The following FKBP5 variants were observed in gnomAD, a reference collection of about 807,000 sequenced individuals.
FKBP5 encodes FKBP prolyl isomerase 5.
A neutral mutation model predicts 50.5 loss-of-function variants in FKBP5; 23 were observed. That is an observed-to-expected ratio of 0.46 (90% CI 0.33 to 0.65). The LOEUF (loss-of-function observed/expected upper bound fraction) is 0.65, where lower values mean the gene tolerates loss of function less well. FKBP5 is among the 30% of genes least tolerant of loss of function. The pLI is 0.02. For synonymous variants in FKBP5, 176 were observed against 190.6 expected (o/e 0.92, Z 0.63); for missense variants, 411 against 553.1 (o/e 0.74, Z 2.58).
chr6:35,628,228 G>A (rs1460159462), intron 3 of FKBP5, among the ~76,000 whole-genome samples: 1 of 152,078 alleles, frequency 6.6e-6, no homozygotes, highest in African/African-American at 2.4e-5. Context: ...AACACCATTT[G>A]TTGAAAAGAC....
intron 1 of FKBP5, among the ~76,000 whole-genome samples, chr6:35,685,895 TC>T (rs1219484682): frequency 2.0e-5 from 3 of 146,794 alleles, no homozygotes; most frequent in African/African-American, 7.7e-5. Flanking sequence ...GGCAGGAGAA[TC>T]GCTTGAACCC....
intron 5 of FKBP5, among the ~76,000 whole-genome samples, chr6:35,609,012 G>C (rs1763413901): frequency 6.6e-6 from 1 of 152,144 alleles, no homozygotes; most frequent in African/African-American, 2.4e-5. Flanking sequence ...TGGCCAGGCT[G>C]GTCTTGAACT....
At position 35,594,676 on chromosome 6, in the gene FKBP5, G is replaced by A. The variant is rs79321975; in HGVS notation, c.665+2572C>T. 3.7e-3 allele frequency among the ~76,000 whole-genome samples: 568 copies of A among 151,944 alleles called. 2 individuals are homozygous for A. Among genetic ancestry groups the A allele is most frequent in the African/African-American group, 0.011 (438 of 41,438 alleles). On this transcript the variant is annotated intron_variant, in intron 6 of 10. Transcript: ENST00000357266. ...TTTTCTATACACACAGTATGCATAC[G>A]CACACACATATATAGCATGTAGGGG...
chr6:35,669,561 T>C (rs1246952293), intron 1 of FKBP5, among the ~76,000 whole-genome samples: 4 of 152,166 alleles, frequency 2.6e-5, no homozygotes, highest in Non-Finnish European at 5.9e-5. Context: ...CAGTTTCCTG[T>C]TCGTCAGTGG....
At chr6:35,584,983 T>C in intron 8 of FKBP5, 1 of 985,428 alleles carries the variant, frequency 1.0e-6, no homozygotes, top group Non-Finnish European at 1.2e-6. Flanking sequence ...TCTCTCTGTA[T>C]ATATTCAGAA....
At chr6:35,716,637 A>G (rs1417119125) in intron 2 of FKBP5, among the ~76,000 whole-genome samples, 2 of 151,988 alleles carry the variant, frequency 1.3e-5, no homozygotes, top group African/African-American at 2.4e-5. Context: ...CATGCTCTGT[A>G]CTCAGTGACT....
intron 1 of FKBP5, among the ~76,000 whole-genome samples, chr6:35,645,134 A>T (rs148128369): frequency 0.011 from 1,618 of 152,362 alleles, 19 homozygotes; most frequent in Non-Finnish European, 0.019. Context: ...TGATGTAGTG[A>T]TGTGATTTAG....
intron 1 of FKBP5, among the ~76,000 whole-genome samples, chr6:35,655,047 C>G (rs970825861): frequency 1.2e-4 from 19 of 152,036 alleles, no homozygotes; most frequent in African/African-American, 4.6e-4. Flanking sequence ...GTGGGCCAGG[C>G]TCGGTGGCTC....
intron 2 of FKBP5, among the ~76,000 whole-genome samples, chr6:35,708,083 C>A (rs1766354081): frequency 6.6e-6 from 1 of 152,190 alleles, no homozygotes; most frequent in Non-Finnish European, 1.5e-5. Flanking sequence ...ATAACTAACA[C>A]AGTCTTTGAC....
chr6:35,602,103 G>A (rs1192737738), intron 5 of FKBP5, among the ~76,000 whole-genome samples: 1 of 152,062 alleles, frequency 6.6e-6, no homozygotes, highest in Non-Finnish European at 1.5e-5. Flanking sequence ...TTCTGAATGT[G>A]GCTGGCACAT....
intron 10 of FKBP5, among the ~76,000 whole-genome samples, chr6:35,576,463 G>A (rs924554963): frequency 6.6e-6 from 1 of 152,146 alleles, no homozygotes; most frequent in African/African-American, 2.4e-5. Context: ...CTTGAAGCCA[G>A]GGGTTCGAGA....
chr6:35,702,078 C>A (rs879770916), intron 2 of FKBP5, among the ~76,000 whole-genome samples: 1 of 151,616 alleles, frequency 6.6e-6, no homozygotes, highest in Non-Finnish European at 1.5e-5. Context: ...GAACTCCTGA[C>A]CTCAAGTGAT....
chr6:35,579,621 TA>T (rs1762358477), intron 9 of FKBP5, among the ~76,000 whole-genome samples: 1 of 152,190 alleles, frequency 6.6e-6, no homozygotes, highest in African/African-American at 2.4e-5. Context: ...ATGATTATAA[TA>T]AAAATTGACC....
intron 6 of FKBP5, 56 bp from the exon 7 acceptor site, chr6:35,591,276 T>C: frequency 8.2e-7 from 1 of 1,217,418 alleles, no homozygotes; most frequent in African/African-American, 1.5e-5. Context: ...TTCCAGGCAC[T>C]TCCTTCAGTA....
intron 8 of FKBP5, chr6:35,586,468 C>G (rs548958583): frequency 9.1e-6 from 9 of 986,832 alleles, no homozygotes; most frequent in Non-Finnish European, 1.1e-5. Context: ...TTCATCAAGA[C>G]AGTCTAAAGG....
chr6:35,692,524 C>T (rs1405572851), upstream of FKBP5, among the ~76,000 whole-genome samples: 2 of 152,016 alleles, frequency 1.3e-5, no homozygotes, highest in Non-Finnish European at 2.9e-5. Context: ...GTATGCCAGG[C>T]GTGGTGGTTC....
At chr6:35,589,106 A>T (rs55650606) in intron 7 of FKBP5, among the ~76,000 whole-genome samples, 9,492 of 112,200 alleles carry the variant, frequency 0.085, 443 homozygotes, top group Admixed American at 0.14. Flanking sequence ...ATATATATAT[A>T]TTTTTATATA....
At chr6:35,597,831 C>T (rs534268860) in intron 5 of FKBP5, among the ~76,000 whole-genome samples, 1 of 152,322 alleles carries the variant, frequency 6.6e-6, no homozygotes, top group African/African-American at 2.4e-5. Context: ...AAAAAGCCAA[C>T]TAAATGGCTA....
chr6:35,707,705 C>T (rs1766346556), intron 2 of FKBP5, among the ~76,000 whole-genome samples: 1 of 152,084 alleles, frequency 6.6e-6, no homozygotes, highest in South Asian at 2.1e-4. Flanking sequence ...CTCTCTCCTC[C>T]CACCCTCCAC....
Sources: allele counts gnomAD v4.1 joint callset (sites outside exome capture counted in the v4.1 genomes callset), GRCh38; gene constraint gnomAD v4.1.1; transcripts MANE v1.5; gene names NCBI Gene and HGNC (gene_info 2026-07-23, HGNC 2026-07-21).